Variants in UBXN7 observed in about 807,000 individuals in gnomAD.
The protein encoded by UBXN7 is UBX domain protein 7.
A neutral mutation model predicts 58.0 loss-of-function variants in UBXN7; 9 were observed. The observed-to-expected ratio is 0.16, with a 90% CI of 0.09 to 0.27. UBXN7 has a LOEUF of 0.27. Ranked by LOEUF, UBXN7 falls within the 10% of genes least tolerant of loss-of-function variation. The pLI is 1.00. For missense variants in UBXN7, 328 were observed against 599.6 expected (o/e 0.55, Z 4.73); for synonymous variants, 208 against 205.0 (o/e 1.01, Z -0.12).
chr3:196,393,318 T>G (rs752894232), intron 4 of UBXN7, among the ~76,000 whole-genome samples: 1 of 152,226 alleles, frequency 6.6e-6, no homozygotes, highest in Non-Finnish European at 1.5e-5. Flanking sequence ...CGAATTAAGT[T>G]TATCAATTAC....
intron 3 of UBXN7, among the ~76,000 whole-genome samples, chr3:196,395,601 T>C (rs1484855422): frequency 6.6e-6 from 1 of 151,224 alleles, no homozygotes; most frequent in Admixed American, 6.6e-5. Flanking sequence ...TGCAGCACCA[T>C]GTTCAGTTTT....
chr3:196,401,320 C>CACAT (rs1189963065), intron 3 of UBXN7, among the ~76,000 whole-genome samples: 82 of 72,432 alleles, frequency 1.1e-3, no homozygotes, highest in Non-Finnish European at 1.7e-3. Context: ...CACACACACA[C>CACAT]ATATATATAT....
At position 196,354,464 on chromosome 3, in the gene UBXN7, G is replaced by A. The variant is rs998268684; in HGVS notation, c.*2221C>T. ...AAAATGATTGACTTCACACGTTTGA[G>A]CGATTTGGGCTTCAGCTATGACTTT... On this transcript the variant is annotated 3_prime_UTR_variant, in exon 11 of 11. Coordinates refer to ENST00000296328, the MANE Select transcript of UBXN7 (RefSeq NM_015562.2). 2 of 152,218 alleles carry A rather than the reference G, an allele frequency of 1.3e-5. No individual in the cohort carries two copies. The highest frequency in any genetic ancestry group is 2.9e-5 in the Non-Finnish European group (2 of 68,046). 9.4% of individuals were successfully genotyped at this position (152,218 alleles called of 1,614,324 possible).
At chr3:196,368,478 A>G (rs777078442) in intron 7 of UBXN7, among the ~76,000 whole-genome samples, 2 of 152,326 alleles carry the variant, frequency 1.3e-5, no homozygotes, top group Non-Finnish European at 1.5e-5. Context: ...TGTAAATATA[A>G]TATCTAGGAT....
chr3:196,375,736 A>G (rs1029562528), intron 5 of UBXN7, among the ~76,000 whole-genome samples: 1 of 152,216 alleles, frequency 6.6e-6, no homozygotes, highest in African/African-American at 2.4e-5. Context: ...GGCATGATAA[A>G]AAAGGATTTA....
chr3:196,361,154 G>T (rs1728495111), intron 10 of UBXN7, among the ~76,000 whole-genome samples: 1 of 152,160 alleles, frequency 6.6e-6, no homozygotes, highest in South Asian at 2.1e-4. Context: ...ACTTTGAGGG[G>T]TTTAAGAATT....
chr3:196,403,127 G>C, intron 2 of UBXN7, 108 bp from the exon 3 acceptor site: 1 of 1,146,540 alleles, frequency 8.7e-7, no homozygotes. Context: ...ACTTTTAGAA[G>C]CACAGTAATA....
chr3:196,396,321 G>A (rs1033773763), intron 3 of UBXN7, among the ~76,000 whole-genome samples: 1 of 151,680 alleles, frequency 6.6e-6, no homozygotes, highest in Admixed American at 6.6e-5. Context: ...AGCTGCCCAG[G>A]TGGCTGATGT....
At chr3:196,402,303 G>A (rs1190479996) in intron 3 of UBXN7, among the ~76,000 whole-genome samples, 1 of 152,132 alleles carries the variant, frequency 6.6e-6, no homozygotes, top group Non-Finnish European at 1.5e-5. Context: ...TTACAGGTGT[G>A]AGCCACCTCA....
intron 3 of UBXN7, 30 bp downstream of exon 3, chr3:196,402,922 A>G (rs770490977): frequency 6.3e-7 from 1 of 1,583,814 alleles, no homozygotes; most frequent in Admixed American, 2.0e-5. Flanking sequence ...AACAAAATCA[A>G]ATAAGGCTAA....
At chr3:196,367,965 T>C in intron 8 of UBXN7, 63 bp downstream of exon 8, 1 of 1,572,240 alleles carries the variant, frequency 6.4e-7, no homozygotes, top group Middle Eastern at 1.7e-4. Context: ...TCGAACATTT[T>C]ATATAAGATG....
At chr3:196,373,769 G>C (rs1728911017) in intron 5 of UBXN7, among the ~76,000 whole-genome samples, 2 of 152,010 alleles carry the variant, frequency 1.3e-5, no homozygotes, top group Non-Finnish European at 1.5e-5. Context: ...TGTTAGCCAG[G>C]CTGGTTTGGA....
chr3:196,430,383 A>T (rs760111014), intron 1 of UBXN7, among the ~76,000 whole-genome samples: 52 of 151,840 alleles, frequency 3.4e-4, no homozygotes, highest in Non-Finnish European at 6.9e-4. Flanking sequence ...TAATAATAAT[A>T]ATAAGTGGCT....
intron 5 of UBXN7, among the ~76,000 whole-genome samples, chr3:196,383,596 T>C (rs1729282004): frequency 1.3e-5 from 2 of 152,252 alleles, no homozygotes; most frequent in South Asian, 4.2e-4. Context: ...CACAACAAAC[T>C]GTCTCTCAGA....
intron 5 of UBXN7, among the ~76,000 whole-genome samples, chr3:196,380,322 A>C (rs1166587999): frequency 1.3e-5 from 2 of 152,148 alleles, no homozygotes. Context: ...GGAGCCTTCC[A>C]TGCTGTTTAG....
intron 5 of UBXN7, among the ~76,000 whole-genome samples, chr3:196,382,014 T>C (rs560593084): frequency 1.3e-5 from 2 of 152,294 alleles, no homozygotes; most frequent in East Asian, 3.9e-4. Flanking sequence ...CTACGTTTGA[T>C]TGGTGTACCT....
chr3:196,370,436 G>C (rs866782599), intron 6 of UBXN7, among the ~76,000 whole-genome samples: 2 of 149,190 alleles, frequency 1.3e-5, no homozygotes, highest in Admixed American at 6.7e-5. Context: ...CTGGGTGACA[G>C]AGCAAGACCC....
At chr3:196,375,253 G>A (rs1728981340) in intron 5 of UBXN7, among the ~76,000 whole-genome samples, 1 of 149,942 alleles carries the variant, frequency 6.7e-6, no homozygotes, top group Non-Finnish European at 1.5e-5. Flanking sequence ...GGAAGGTAAG[G>A]ACAGGTTAAT....
At position 196,348,703 on chromosome 3, in the gene UBXN7, CTGAG is replaced by C. The variant is rs1391350619; in HGVS notation, c.*7978_*7981del. The C allele has an allele frequency of 1.3e-5, 2 of 152,152 alleles. No homozygotes were observed. Among genetic ancestry groups the C allele is most frequent in the East Asian group, 1.9e-4 (1 of 5,202 alleles). The allele number at this position is 152,152 out of a possible 1,614,324, so 9.4% of individuals were successfully genotyped here. A position where few individuals can be genotyped will look rare whatever the true frequency, so the allele number is the denominator to read the frequency against. On this transcript the variant is annotated 3_prime_UTR_variant, in exon 11 of 11. Transcript: ENST00000296328. ...AAATTTCATTCCTTGATTAACTTCT[CTGAG>C]TAAGATGTAAAGTGAGGTTTGGAAA...
Sources: allele counts gnomAD v4.1 joint callset (sites outside exome capture counted in the v4.1 genomes callset), GRCh38; gene constraint gnomAD v4.1.1; transcripts MANE v1.5; gene names NCBI Gene and HGNC (gene_info 2026-07-23, HGNC 2026-07-21).